Variants in ADAMTS13 observed in about 807,000 individuals in gnomAD.
The protein encoded by ADAMTS13 is A disintegrin and metalloproteinase with thrombospondin motifs 13.
ADAMTS13 carries 110 observed loss-of-function variants against 155.1 expected under a neutral mutation model. The ratio of observed to expected loss-of-function variants is 0.71; its 90% CI spans 0.61 to 0.83. ADAMTS13 has a LOEUF of 0.83. Ranked by LOEUF, ADAMTS13 falls within the 40% of genes least tolerant of loss-of-function variation. ADAMTS13 has a pLI of 0.00. For synonymous variants in ADAMTS13, 758 were observed against 756.4 expected, an observed-to-expected ratio of 1.00 and a Z score of -0.03; for missense variants, 1,707 against 1,891.7, an observed-to-expected ratio of 0.90 and a Z score of 1.81.
intron 11 of ADAMTS13, 51 bp from the exon 12 acceptor site, chr9:133,436,778 A>ACCCCCCCCC: frequency 1.2e-5 from 5 of 433,950 alleles, no homozygotes; most frequent in South Asian, 3.3e-5. Context: ...CAGTGACAAC[A>ACCCCCCCCC]CCCGCCCCCC....
chr9:133,442,679 T>A lies in ADAMTS13; in HGVS notation c.2170T>A (p.Cys724Ser). 1.2e-6 allele frequency: 2 copies of A among 1,613,074 alleles called. No homozygotes were observed. Among genetic ancestry groups the A allele is most frequent in the Non-Finnish European group, 1.7e-6 (2 of 1,179,994 alleles). ...ARKELVETVQ[C>S]QGSQQPPAWP... ...GAAGGAGTTGGTGGAGACTGTCCAGTGCCAAGGGAGCCAGCAGCCACCAGC... is the reference window on the plus strand; with the variant it reads ...GAAGGAGTTGGTGGAGACTGTCCAGAGCCAAGGGAGCCAGCAGCCACCAGC... The change falls in exon 18 of 29, where the codon TGC becomes AGC. Residue 724 changes from cysteine to serine, a missense_variant. By Grantham distance (112) the Cys-to-Ser change is moderately radical. Coordinates refer to ENST00000355699, the MANE Select transcript of ADAMTS13 (RefSeq NM_139027.6).
chr9:133,444,986 C>T lies in ADAMTS13; in HGVS notation c.2544C>T (p.Ser848=), dbSNP rs781855822. The T allele has an allele frequency of 6.2e-6, 10 of 1,613,440 alleles. No individual in the cohort carries two copies. The South Asian group carries it at 7.7e-5, about 12-fold the overall frequency. Residue 848 remains serine, a synonymous_variant, in exon 20 of 29, where the codon TCC becomes TCT. Coordinates refer to ENST00000355699, the MANE Select transcript of ADAMTS13 (RefSeq NM_139027.6). ...LEAPVTEGPG[S]VDEKLPAPEP... ...CTCCAGTGACTGAGGGGCCTGGCTC[C>T]GTAGATGAGAAGCTGCCTGCCCCTG...
At position 133,449,801 on chromosome 9, in the gene ADAMTS13, G is replaced by T. The variant is rs371554437; in HGVS notation, c.2880G>T (p.Ala960=). 4 of 1,613,862 alleles carry T rather than the reference G, an allele frequency of 2.5e-6. No individual in the cohort carries two copies. The highest frequency in any genetic ancestry group is 3.3e-5 in the Admixed American group (2 of 60,006). The change falls in exon 23 of 29, where the codon GCG becomes GCT. Residue 960 remains alanine, a synonymous_variant. Transcript: ENST00000355699. ...PCPARWQYKL[A]ACSVSCGRGV... Reference sequence around the variant, plus strand: ...GCTCCAGGTGGCAGTACAAGCTGGCGGCCTGCAGCGTGAGCTGTGGGAGAG... The same window carrying T: ...GCTCCAGGTGGCAGTACAAGCTGGCTGCCTGCAGCGTGAGCTGTGGGAGAG...
chr9:133,421,974 AC>A (rs1554783368), upstream of ADAMTS13: 1 of 183,896 alleles, frequency 5.4e-6, no homozygotes, highest in East Asian at 1.6e-4. Flanking sequence ...AGGCGCAGGC[AC>A]AGAGTAGGTG....
rs370081995 is a variant in ADAMTS13, at chr9:133,454,497, G to A, written c.3127G>A (p.Asp1043Asn). 1.2e-6 allele frequency: 2 copies of A among 1,612,670 alleles called. No homozygotes were observed. Among genetic ancestry groups the A allele is most frequent in the East Asian group, 2.2e-5 (1 of 44,898 alleles). The change falls in exon 24 of 29, where the codon GAC (aspartate) becomes AAC (asparagine). Residue 1043 changes from aspartate to asparagine, a missense_variant. Physicochemically the swap from Asp to Asn is conservative, Grantham distance 23. Transcript: ENST00000355699. ...ACGCTCGGTGGCCTGTGTGCAGCTC[G>A]ACCAAGGCCAGGACGTGGAGGTGGA... ...ARRSVACVQL[D>N]QGQDVEVDEA...
chr9:133,437,777 G>A lies in ADAMTS13; in HGVS notation c.1464G>A (p.Arg488=), dbSNP rs1554789510. 6.2e-7 allele frequency: 1 copy of A among 1,613,912 alleles called. No homozygotes were observed. The highest frequency in any genetic ancestry group is 8.5e-7 in the Non-Finnish European group (1 of 1,180,042). The change falls in exon 13 of 29, where the codon CGG becomes CGA. Residue 488 remains arginine (R), a synonymous_variant. Transcript: ENST00000355699. The stretch of plus-strand genomic sequence containing the variant: ...ATGCTCTGTGCAGACACATGTGCCG[G>A]GCCATTGGCGAGAGCTTCATCATGA... The part of the protein sequence containing the change: ...QGDALCRHMC[R]AIGESFIMKR...
intron 9 of ADAMTS13, 52 bp from the exon 10 acceptor site, chr9:133,433,325 TC>T: frequency 1.2e-6 from 2 of 1,608,252 alleles, no homozygotes; most frequent in South Asian, 2.2e-5. Context: ...GTGTTGGGAG[TC>T]CTGTGGTGGG....
At position 133,445,394 on chromosome 9, in the gene ADAMTS13, G is replaced by A. The variant is rs1422967522; in HGVS notation, c.2611-305G>A. ...TCTGGCCTGGGTGCTGGCAACCCTC[G>A]CCCCTCATGGCTGGGGGGATTGCAG... On this transcript the variant is annotated intron_variant, in intron 20 of 28. Transcript: ENST00000355699. This position sits in a 1 kb window ranked among gnomAD's most constrained non-coding sequence, Gnocchi z 5.0. Among the ~76,000 whole-genome samples, 2 of 152,164 alleles carry A rather than the reference G, an allele frequency of 1.3e-5. No homozygotes were observed. The highest frequency in any genetic ancestry group is 4.8e-5 in the African/African-American group (2 of 41,458).
Position 133,458,000 on chromosome 9 carries a change from T to C in ADAMTS13, c.3815T>C (p.Phe1272Ser). ...ATSNAGGCRL[F>S]INVAPHARIA... is the part of the protein sequence containing the mutation. Reference sequence around the variant, plus strand: ...AGTAATGCAGGGGGCTGCCGGCTCTTCATTAATGTGGCTCCGCACGCACGG... The same window carrying C: ...AGTAATGCAGGGGGCTGCCGGCTCTCCATTAATGTGGCTCCGCACGCACGG... Residue 1272 changes from phenylalanine to serine, a missense_variant, in exon 28 of 29, where the codon TTC becomes TCC. By Grantham distance (155) the Phe-to-Ser change is radical. Around this residue, in one of 3 missense-constraint regions of ADAMTS13, gnomAD observed 961 missense variants for 1,107.9 expected, o/e 0.87. Coordinates refer to ENST00000355699, the MANE Select transcript of ADAMTS13 (RefSeq NM_139027.6). The C allele has an allele frequency of 6.2e-7, 1 of 1,613,646 alleles. No homozygotes were observed. The highest frequency in any genetic ancestry group is 1.1e-5 in the South Asian group (1 of 91,088).
chr9:133,423,709 C>T (rs1300855978), intron 2 of ADAMTS13, among the ~76,000 whole-genome samples: 1 of 152,356 alleles, frequency 6.6e-6, no homozygotes, highest in African/African-American at 2.4e-5. Context: ...TCAGGGGCAA[C>T]AGGAGGGCAA....
chr9:133,422,668 C>A, intron 1 of ADAMTS13, 120 bp downstream of exon 1: 1 of 980,808 alleles, frequency 1.0e-6, no homozygotes, highest in Non-Finnish European at 1.6e-6. Flanking sequence ...TTGCGCTGGG[C>A]AGGGGAGTCT....
upstream of ADAMTS13, chr9:133,417,898 G>A (rs1467300639): frequency 1.3e-6 from 2 of 1,534,058 alleles, no homozygotes; most frequent in Non-Finnish European, 1.8e-6. Flanking sequence ...CGGCCTCCCC[G>A]GGCCCGGCGC....
At position 133,438,283 on chromosome 9, in the gene ADAMTS13, T is replaced by C. The variant is rs782417749; in HGVS notation, c.1622T>C (p.Val541Ala). 1 of 1,614,034 alleles carries C rather than the reference T, an allele frequency of 6.2e-7. No individual in the cohort carries two copies. Among genetic ancestry groups the C allele is most frequent in the South Asian group, 1.1e-5 (1 of 91,076 alleles). Residue 541 changes from valine to alanine, a missense_variant, in exon 14 of 29, where the codon GTA becomes GCA. Physicochemically the swap from Val to Ala is moderately conservative, Grantham distance 64 (BLOSUM62 0). Around this residue, in one of 3 missense-constraint regions of ADAMTS13, gnomAD observed 13 missense variants for 34.2 expected, o/e 0.38. Transcript: ENST00000355699. ...GCDGRMDSQQ[V>A]WDRCQVCGGD... The stretch of plus-strand genomic sequence containing the variant: ...GATGGTAGGATGGACTCCCAGCAGG[T>C]ATGGGACAGGTGCCAGGTGTGTGGT...
At chr9:133,422,053 C>T, upstream of ADAMTS13, 3 of 259,406 alleles carry the variant, frequency 1.2e-5, no homozygotes, top group South Asian at 1.2e-4. Flanking sequence ...GCGGGGACCC[C>T]GGAGAGGGAG....
In ADAMTS13 at chr9:133,425,140, C is replaced by G. The variant is rs886763677; in HGVS notation, c.331-389C>G. On this transcript the variant is annotated intron_variant, in intron 3 of 28. Coordinates refer to ENST00000355699, the MANE Select transcript of ADAMTS13 (RefSeq NM_139027.6). This position sits in a 1 kb window ranked among gnomAD's most constrained non-coding sequence, Gnocchi z 4.6. ...AGGAGTTCAAGACCAGCCTGGCCAA[C>G]ATGGTGAAACCCCGTAGCTACTAAA... Among the ~76,000 whole-genome samples the G allele has an allele frequency of 6.6e-6, 1 of 152,218 alleles. No individual in the cohort carries two copies. The highest frequency in any genetic ancestry group is 2.4e-5 in the African/African-American group (1 of 41,454).
At chr9:133,432,056 G>A (rs1840811414) in intron 8 of ADAMTS13, among the ~76,000 whole-genome samples, 1 of 152,230 alleles carries the variant, frequency 6.6e-6, no homozygotes, top group East Asian at 1.9e-4. Flanking sequence ...CTGAGGTCGG[G>A]AGTTTGAGAC....
chr9:133,438,204 A>T (rs781794717), intron 13 of ADAMTS13, 42 bp from the exon 14 acceptor site: 3 of 1,613,712 alleles, frequency 1.9e-6, no homozygotes, highest in South Asian at 2.2e-5. Flanking sequence ...TGAGGCCAGC[A>T]CCCTCCAGTG....
At chr9:133,438,909 T>TTAAA (rs1841449476) in intron 14 of ADAMTS13, among the ~76,000 whole-genome samples, 1 of 51,404 alleles carries the variant, frequency 1.9e-5, no homozygotes, top group Non-Finnish European at 4.8e-5. Flanking sequence ...AGACACTGTC[T>TTAAA]CAAAAAAAAA....
chr9:133,434,801 C>T (rs1437149843), intron 11 of ADAMTS13, among the ~76,000 whole-genome samples: 4 of 152,114 alleles, frequency 2.6e-5, no homozygotes, highest in South Asian at 4.2e-4. Context: ...ATTTCTCCTC[C>T]GCCACTCAGC....
Sources: allele counts gnomAD v4.1 joint callset (sites outside exome capture counted in the v4.1 genomes callset), GRCh38; gene constraint gnomAD v4.1.1; regional missense constraint gnomAD v4.1.1; non-coding constraint Gnocchi (gnomAD v3.1); transcripts MANE v1.5; gene names NCBI Gene and HGNC (gene_info 2026-07-23, HGNC 2026-07-21).